Variants in BICDL1 observed in about 807,000 individuals in gnomAD.
BICDL1 encodes the protein BICD family-like cargo adapter 1.
Under a neutral mutation model 76.8 loss-of-function variants are expected in BICDL1, and 20 were observed. The ratio of observed to expected loss-of-function variants is 0.26; its 90% CI spans 0.18 to 0.38. The LOEUF (loss-of-function observed/expected upper bound fraction) is 0.38, where lower values mean the gene tolerates loss of function less well. Ranked by LOEUF, BICDL1 falls within the 10% of genes least tolerant of loss-of-function variation. BICDL1 has a pLI of 1.00. For synonymous variants in BICDL1, 383 were observed against 337.1 expected (o/e 1.14, Z -1.49); for missense variants, 700 against 798.6 (o/e 0.88, Z 1.49).
chr12:119,990,547 T>A (rs547034677), intron 1 of BICDL1, among the ~76,000 whole-genome samples: 14 of 152,242 alleles, frequency 9.2e-5, no homozygotes, highest in Non-Finnish European at 2.1e-4. Context: ...ATATACGTAC[T>A]GTACCCAGCA....
At position 120,089,271 on chromosome 12, in the gene BICDL1, C is replaced by CGTGT. The variant is rs138992612; in HGVS notation, c.1584-665_1584-662dup. Among the ~76,000 whole-genome samples the CGTGT allele has an allele frequency of 7.3e-4, 107 of 146,810 alleles. 1 individual carries two copies. Among genetic ancestry groups the CGTGT allele is most frequent in the African/African-American group, 2.5e-3 (96 of 38,458 alleles). Reference sequence around the variant, plus strand: ...TTATTTTAGTATTGTCCTTTTTCAACGTGTGTGTGTGTGTGTGTATGTGTG... The same window carrying CGTGT: ...TTATTTTAGTATTGTCCTTTTTCAACGTGTGTGTGTGTGTGTGTGTGTATGTGTG... On this transcript the variant is annotated intron_variant, in intron 8 of 9. Transcript: ENST00000548673.
intron 2 of BICDL1, among the ~76,000 whole-genome samples, chr12:120,045,227 T>C (rs2138825955): frequency 6.6e-6 from 1 of 152,270 alleles, no homozygotes; most frequent in Non-Finnish European, 1.5e-5. Context: ...ACATACCATC[T>C]CACACCAGTT....
At chr12:120,059,043 A>G (rs1427161266) in intron 2 of BICDL1, among the ~76,000 whole-genome samples, 2 of 152,236 alleles carry the variant, frequency 1.3e-5, no homozygotes, top group African/African-American at 4.8e-5. Context: ...ATAGTATTAC[A>G]GTACTAATTT....
At chr12:120,088,059 G>A (rs2139014997) in intron 8 of BICDL1, among the ~76,000 whole-genome samples, 1 of 152,240 alleles carries the variant, frequency 6.6e-6, no homozygotes, top group African/African-American at 2.4e-5. Context: ...CTCCTGAGTA[G>A]CTGGGATTAC....
At chr12:119,996,864 G>A (rs555924075) in intron 1 of BICDL1, among the ~76,000 whole-genome samples, 1 of 152,118 alleles carries the variant, frequency 6.6e-6, no homozygotes, top group Non-Finnish European at 1.5e-5. Context: ...TTGAAGTATA[G>A]TTTTGGCTGT....
chr12:120,038,004 G>A (rs1160959032), intron 2 of BICDL1, among the ~76,000 whole-genome samples: 2 of 152,176 alleles, frequency 1.3e-5, no homozygotes, highest in African/African-American at 2.4e-5. Flanking sequence ...GTGTCTAATT[G>A]CCCCTGAAGG....
intron 7 of BICDL1, among the ~76,000 whole-genome samples, chr12:120,077,338 A>G (rs538634361): frequency 6.6e-6 from 1 of 151,856 alleles, no homozygotes; most frequent in South Asian, 2.1e-4. Context: ...GCCCCCTCCT[A>G]CCCCACTCCC....
rs1336647016 is a variant in BICDL1, at chr12:120,080,978, T to C, written c.1544T>C (p.Leu515Pro). ...TSEDKEPKEQ[L>P]QKAIRDRDEA... is the part of the protein sequence containing the mutation. ...GAGGACAAGGAGCCAAAGGAGCAGC[T>C]TCAGAAGGCCATCAGGGACCGCGAC... The change falls in exon 8 of 10, where the codon CTT becomes CCT. Residue 515 changes from leucine (L) to proline (P), a missense_variant. By Grantham distance (98) the Leu-to-Pro change is moderately conservative. Coordinates refer to ENST00000548673, the MANE Select transcript of BICDL1 (RefSeq NM_001367886.1). The C allele has an allele frequency of 6.2e-7, 1 of 1,613,826 alleles. No individual in the cohort carries two copies. Among genetic ancestry groups the C allele is most frequent in the Non-Finnish European group, 8.5e-7 (1 of 1,179,934 alleles).
At chr12:120,072,437 C>A in intron 5 of BICDL1, 74 bp from the exon 6 acceptor site, 2 of 1,424,574 alleles carry the variant, frequency 1.4e-6, no homozygotes, top group Non-Finnish European at 9.9e-7. Flanking sequence ...ATTTTGGGTT[C>A]AGAGCTAGAA....
chr12:120,058,689 T>C (rs1594180249), intron 2 of BICDL1, among the ~76,000 whole-genome samples: 1 of 150,802 alleles, frequency 6.6e-6, no homozygotes, highest in Non-Finnish European at 1.5e-5. Flanking sequence ...CTCCTGGGTT[T>C]AAGCGATTCT....
chr12:120,046,958 G>A (rs1175259976), intron 2 of BICDL1, among the ~76,000 whole-genome samples: 2 of 152,182 alleles, frequency 1.3e-5, no homozygotes, highest in African/African-American at 4.8e-5. Context: ...AGAAACAAAA[G>A]CAGTATTAAC....
chr12:120,055,872 A>G (rs1952961028), intron 2 of BICDL1, among the ~76,000 whole-genome samples: 1 of 152,224 alleles, frequency 6.6e-6, no homozygotes, highest in Admixed American at 6.5e-5. Context: ...CTGTTTTGCA[A>G]TACCTTGTTC....
intron 4 of BICDL1, among the ~76,000 whole-genome samples, chr12:120,068,905 A>C (rs1162428073): frequency 1.3e-5 from 2 of 152,174 alleles, no homozygotes. Flanking sequence ...CTGCACACAG[A>C]AGGGGCCATG....
At chr12:120,061,646 G>GAAA (rs1221222578) in intron 2 of BICDL1, 64 bp from the exon 3 acceptor site, 1 of 1,108,574 alleles carries the variant, frequency 9.0e-7, no homozygotes, top group African/African-American at 1.5e-5. Context: ...AATGAAAGCA[G>GAAA]AAACCTTAAC....
intron 2 of BICDL1, among the ~76,000 whole-genome samples, chr12:120,001,344 T>A (rs528827690): frequency 6.6e-6 from 1 of 152,292 alleles, no homozygotes; most frequent in East Asian, 1.9e-4. Flanking sequence ...CCTCCCGGGT[T>A]CATGACATTC....
rs1053537447 is a variant in BICDL1 at position 120,094,002 on chromosome 12, G to T, written c.*841G>T. 1.7e-5 allele frequency: 6 copies of T among 349,122 alleles called. No homozygotes were observed. Among genetic ancestry groups the T allele is most frequent in the Non-Finnish European group, 3.4e-5 (6 of 175,312 alleles). The allele number at this position is 349,122 out of a possible 1,614,324, so 21.6% of individuals were successfully genotyped here. ...CCTCACATACATACATAATTTCTTGGCCTAGCCAAACAAGTCCAGGCCACT... is the reference window on the plus strand; with the variant it reads ...CCTCACATACATACATAATTTCTTGTCCTAGCCAAACAAGTCCAGGCCACT... On this transcript the variant is annotated 3_prime_UTR_variant, in exon 10 of 10. Coordinates refer to ENST00000548673, the MANE Select transcript of BICDL1 (RefSeq NM_001367886.1).
intron 9 of BICDL1, 197 bp downstream of exon 9, chr12:120,090,268 G>A (rs1169040257): frequency 1.1e-5 from 7 of 621,760 alleles, no homozygotes; most frequent in Non-Finnish European, 1.6e-5. Flanking sequence ...GCTTTTGAGC[G>A]ACAGTGCCCA....
At chr12:119,998,866 G>T in intron 2 of BICDL1, 130 bp downstream of exon 2, 1 of 792,330 alleles carries the variant, frequency 1.3e-6, no homozygotes. Context: ...ACCAATCTGG[G>T]CAACACAGGG....
At chr12:120,048,816 T>C (rs1952799018) in intron 2 of BICDL1, among the ~76,000 whole-genome samples, 1 of 152,232 alleles carries the variant, frequency 6.6e-6, no homozygotes, top group African/African-American at 2.4e-5. Flanking sequence ...ATTAAACTTT[T>C]GTTGACATTT....
Sources: gnomAD v4.1 joint callset for allele counts (sites outside exome capture counted in the v4.1 genomes callset) on GRCh38, gnomAD v4.1.1 for gene constraint, MANE v1.5 for transcripts, NCBI Gene and HGNC (gene_info 2026-07-23, HGNC 2026-07-21) for gene names.